SYNE2: variants seen among roughly 807,000 people sequenced by gnomAD.
SYNE2 encodes spectrin repeat containing nuclear envelope protein 2.
In SYNE2, 431 loss-of-function variants were observed where a neutral mutation model predicts 856.3. The ratio of observed to expected loss-of-function variants is 0.50; its 90% CI spans 0.47 to 0.55. The LOEUF is 0.55. Ranked by LOEUF, SYNE2 falls within the 20% of genes least tolerant of loss-of-function variation. The probability of loss-of-function intolerance (pLI) is 0.00; values close to 1 mark genes in which losing one functional copy is unlikely to be tolerated. For synonymous variants in SYNE2, 2,923 were observed against 2,872.3 expected (o/e 1.02, Z -0.56); for missense variants, 8,129 against 8,023.2 (o/e 1.01, Z -0.50).
intron 65 of SYNE2, 131 bp downstream of exon 65, chr14:64,107,738 A>G: frequency 1.2e-6 from 1 of 803,926 alleles, no homozygotes; most frequent in Non-Finnish European, 2.2e-6. Flanking sequence ...ACATATGAAG[A>G]TATGTGCTGT....
At chr14:64,216,219 A>G (rs758908843) in intron 107 of SYNE2, 29 bp from the exon 108 acceptor site, 85 of 1,613,728 alleles carry the variant, frequency 5.3e-5, no homozygotes, top group Non-Finnish European at 6.9e-5. Flanking sequence ...AGGAGAGAAT[A>G]GACTGTCGCT....
chr14:64,214,496 G>A lies in SYNE2; in HGVS notation c.19333+26G>A, dbSNP rs375691107. On this transcript the variant is annotated intron_variant, in intron 106 of 115. Coordinates refer to ENST00000555002, the MANE Select transcript of SYNE2 (RefSeq NM_182914.3). ...GTAACAGCTGGGTTCCCAGCACCCT[G>A]GAAAGTGACCCGTTTGGCTATGTTT... is the stretch of plus-strand genomic sequence containing the variant. The A allele has an allele frequency of 1.5e-5, 24 of 1,598,238 alleles. No homozygotes were observed. In the African/African-American group the frequency reaches 3.1e-4, roughly 20 times the overall value.
At chr14:63,879,763 A>G (rs2094815560) in intron 1 of SYNE2, among the ~76,000 whole-genome samples, 1 of 152,280 alleles carries the variant, frequency 6.6e-6, no homozygotes, top group Non-Finnish European at 1.5e-5. Context: ...CACAGATAGC[A>G]TATTTTACAA....
rs80228360 is a variant in SYNE2, at chr14:64,026,806, C to T, written c.6404+76C>T. The T allele has an allele frequency of 1.9e-3, 2,838 of 1,516,582 alleles. 62 individuals carry two copies. In the East Asian group the frequency reaches 0.036, roughly 19 times the overall value. 93.9% of individuals were successfully genotyped at this position (1,516,582 alleles called of 1,614,324 possible). ...CCATAACAAGTATGTTTTGTCTGCC[C>T]CCTGGGTTTGGATATAATATCTGCT... On this transcript the variant is annotated intron_variant, in intron 42 of 115. Coordinates refer to ENST00000555002, the MANE Select transcript of SYNE2 (RefSeq NM_182914.3).
chr14:64,168,128 G>A (rs1274673121), intron 92 of SYNE2, among the ~76,000 whole-genome samples: 1 of 152,158 alleles, frequency 6.6e-6, no homozygotes, highest in East Asian at 1.9e-4. Flanking sequence ...GGGGGAGACA[G>A]AGTCTTCCTC....
At chr14:63,999,622 A>G (rs904104609) in intron 27 of SYNE2, among the ~76,000 whole-genome samples, 1 of 152,220 alleles carries the variant, frequency 6.6e-6, no homozygotes, top group Non-Finnish European at 1.5e-5. Flanking sequence ...GAAAGAAGCA[A>G]TCTATTAGTG....
At chr14:64,082,935 C>T (rs140419635) in intron 57 of SYNE2, among the ~76,000 whole-genome samples, 81 of 152,310 alleles carry the variant, frequency 5.3e-4, no homozygotes, top group Admixed American at 4.7e-3. Flanking sequence ...GGCTGCAAAA[C>T]ATCTTCCGGA....
intron 97 of SYNE2, 99 bp downstream of exon 97, chr14:64,186,678 A>C: frequency 6.4e-7 from 1 of 1,554,276 alleles, no homozygotes; most frequent in Non-Finnish European, 8.8e-7. Context: ...ATTGAACCGG[A>C]GGCCCTTTTC....
At chr14:63,958,645 A>T (rs2096270328) in intron 8 of SYNE2, among the ~76,000 whole-genome samples, 1 of 152,116 alleles carries the variant, frequency 6.6e-6, no homozygotes, top group East Asian at 1.9e-4. Flanking sequence ...TTCTCTCCAT[A>T]CTGTGCTCTT....
At chr14:63,920,550 G>A (rs1432887930) in intron 2 of SYNE2, among the ~76,000 whole-genome samples, 2 of 150,516 alleles carry the variant, frequency 1.3e-5, no homozygotes, top group East Asian at 4.0e-4. Flanking sequence ...CCAAGCAGAA[G>A]CAATGGAGAG....
rs1023962874 is a variant in SYNE2, at chr14:64,080,770, A to T, written c.11346+132A>T. On this transcript the variant is annotated intron_variant, in intron 56 of 115. Coordinates refer to ENST00000555002, the MANE Select transcript of SYNE2 (RefSeq NM_182914.3). ...TTGGACTTGAAGCTGGGGCCATGGT[A>T]GGCTTGTGTGGGTGCTGAGGAGACA... 12 of 1,125,680 alleles carry T rather than the reference A, an allele frequency of 1.1e-5. No individual in the cohort carries two copies. The African/African-American group carries it at 1.7e-4, about 16-fold the overall frequency. 69.7% of individuals were successfully genotyped at this position (1,125,680 alleles called of 1,614,324 possible). A position where few individuals can be genotyped will look rare whatever the true frequency, so the allele number is the denominator to read the frequency against.
In SYNE2 at chr14:64,177,635, C is replaced by A; in HGVS notation, c.17556+152C>A. ...TCTGTCTAACATAACATGCTCGTCT[C>A]TTAAGGAATTAGAATTGATGCTTTT... is the stretch of plus-strand genomic sequence containing the variant. On this transcript the variant is annotated intron_variant, in intron 96 of 115. Coordinates refer to ENST00000555002, the MANE Select transcript of SYNE2 (RefSeq NM_182914.3). 3.8e-6 allele frequency: 4 copies of A among 1,048,546 alleles called. No homozygotes were observed. In the South Asian group the frequency reaches 5.8e-5, roughly 15 times the overall value. 65.0% of individuals were successfully genotyped at this position (1,048,546 alleles called of 1,614,324 possible).
chr14:63,802,906 GGTGA>G (rs959609262), intron 1 of SYNE2, among the ~76,000 whole-genome samples: 3 of 152,142 alleles, frequency 2.0e-5, no homozygotes, highest in Admixed American at 6.6e-5. Context: ...AGATCTTCGC[GGTGA>G]GTGTTACAGC....
Position 64,224,482 on chromosome 14 carries a change from A to G in SYNE2, c.20404A>G (p.Ser6802Gly), listed in dbSNP as rs759625537. ...GTQNPASPLP[S>G]FDEVDSGDQP... ...TCAGAACCCAGCCTCACCCCTGCCC[A>G]GCTTCGACGAGGTAGACTCGGGGGA... Residue 6802 changes from serine (S) to glycine (G), a missense_variant, in exon 114 of 116, where the codon AGC (serine) becomes GGC (glycine). Around this residue, in one of 3 missense-constraint regions of SYNE2, gnomAD observed 5,410 missense variants for 5,284.8 expected, o/e 1.02. Coordinates refer to ENST00000555002, the MANE Select transcript of SYNE2 (RefSeq NM_182914.3). 1.2e-6 allele frequency: 2 copies of G among 1,613,926 alleles called. No individual in the cohort carries two copies. The highest frequency in any genetic ancestry group is 1.7e-4 in the Middle Eastern group (1 of 5,984).
In SYNE2 at chr14:63,998,809, C is replaced by T. The variant is rs1048441662; in HGVS notation, c.3354-105C>T. The T allele has an allele frequency of 5.7e-5, 75 of 1,306,558 alleles. 1 individual carries two copies. The African/African-American group carries it at 8.2e-4, about 14-fold the overall frequency. The allele number at this position is 1,306,558 out of a possible 1,614,324, so 80.9% of individuals were successfully genotyped here. A position where few individuals can be genotyped will look rare whatever the true frequency, so the allele number is the denominator to read the frequency against. On this transcript the variant is annotated intron_variant, in intron 26 of 115. Transcript: ENST00000555002. The stretch of plus-strand genomic sequence containing the variant: ...AACTCCTGACCTCAGGCAATCCACC[C>T]GCCTTGGCCTCCCAAAGTGCTAGGA...
chr14:63,877,133 G>T (rs538040635), intron 1 of SYNE2, among the ~76,000 whole-genome samples: 80 of 152,206 alleles, frequency 5.3e-4, no homozygotes, highest in Non-Finnish European at 8.8e-4. Context: ...AGCCACTTTC[G>T]TTAATAAATT....
At chr14:64,063,847 A>T (rs2097336478) in intron 50 of SYNE2, among the ~76,000 whole-genome samples, 1 of 152,190 alleles carries the variant, frequency 6.6e-6, no homozygotes, top group African/African-American at 2.4e-5. Context: ...TCCACAGGGG[A>T]TATGTTCCAA....
intron 1 of SYNE2, among the ~76,000 whole-genome samples, chr14:63,810,332 A>G (rs1379397920): frequency 6.6e-6 from 1 of 152,142 alleles, no homozygotes; most frequent in African/African-American, 2.4e-5. Context: ...GTGATGATAA[A>G]CCCATATATA....
intron 63 of SYNE2, among the ~76,000 whole-genome samples, chr14:64,100,782 CT>C (rs1210030292): frequency 6.6e-6 from 1 of 150,788 alleles, no homozygotes; most frequent in Non-Finnish European, 1.5e-5. Flanking sequence ...CTCCTGTGCC[CT>C]TTTTTTAATG....
Sources: allele counts gnomAD v4.1 joint callset (sites outside exome capture counted in the v4.1 genomes callset), GRCh38; gene constraint gnomAD v4.1.1; regional missense constraint gnomAD v4.1.1; transcripts MANE v1.5; gene names NCBI Gene and HGNC (gene_info 2026-07-23, HGNC 2026-07-21).